The following TAFA5 variants were observed in gnomAD, a reference collection of about 807,000 sequenced individuals.
TAFA5 encodes the protein chemokine-like protein TAFA-5.
Under a neutral mutation model 15.3 loss-of-function variants are expected in TAFA5, and 6 were observed. That is an observed-to-expected ratio of 0.39 (90% CI 0.21 to 0.77). The LOEUF (loss-of-function observed/expected upper bound fraction) is 0.77. TAFA5 is among the 30% of genes least tolerant of loss of function. The pLI, the probability that TAFA5 is intolerant of heterozygous loss-of-function variation, is 0.41. For synonymous variants in TAFA5, 103 were observed against 80.7 expected (o/e 1.28, Z -1.48); for missense variants, 161 against 193.1 (o/e 0.83, Z 0.98).
At position 48,498,380 on chromosome 22, in the gene TAFA5, TAA is replaced by T. The variant is rs1309109686; in HGVS notation, c.112+8677_112+8678del. On this transcript the variant is annotated intron_variant, in intron 1 of 3. Coordinates refer to ENST00000402357, the MANE Select transcript of TAFA5 (RefSeq NM_001082967.3). ...GGAGGGCTGCTGTCCTCTTGCAAAC[TAA>T]GTCTCCTGGATTCCAAAGATATCTT... 3.5e-4 allele frequency among the ~76,000 whole-genome samples: 54 copies of T among 152,150 alleles called. No homozygotes were observed. In the East Asian group the frequency reaches 0.01, roughly 29 times the overall value.
At chr22:48,678,581 G>GCAGGGCTGTGGCAGGCGGGGC (rs1928051657) in intron 2 of TAFA5, among the ~76,000 whole-genome samples, 3 of 151,766 alleles carry the variant, frequency 2.0e-5, no homozygotes, top group African/African-American at 7.3e-5. Flanking sequence ...TGTGACCTAA[G>GCAGGGCTGTGGCAGGCGGGGC]CAGGGCTGCG....
intron 2 of TAFA5, among the ~76,000 whole-genome samples, chr22:48,666,347 C>T (rs1173401019): frequency 6.6e-6 from 1 of 152,132 alleles, no homozygotes; most frequent in Non-Finnish European, 1.5e-5. Context: ...TTCTTAAGTT[C>T]GTACACTTTA....
chr22:48,592,174 T>C (rs1444336054), intron 1 of TAFA5, among the ~76,000 whole-genome samples: 1 of 152,202 alleles, frequency 6.6e-6, no homozygotes, highest in East Asian at 1.9e-4. Flanking sequence ...CCCATGGTGC[T>C]GACCCTGTGC....
At chr22:48,549,639 A>G (rs1922792727) in intron 1 of TAFA5, among the ~76,000 whole-genome samples, 1 of 152,172 alleles carries the variant, frequency 6.6e-6, no homozygotes, top group Non-Finnish European at 1.5e-5. Context: ...GGTCCTGCCT[A>G]TCCTGCTTTT....
intron 1 of TAFA5, among the ~76,000 whole-genome samples, chr22:48,625,934 C>T (rs551130894): frequency 8.5e-5 from 13 of 152,192 alleles, no homozygotes; most frequent in African/African-American, 1.2e-4. Flanking sequence ...GTCATGGAGT[C>T]GGATTCATAG....
At chr22:48,609,139 C>T (rs1350579255) in intron 1 of TAFA5, among the ~76,000 whole-genome samples, 4 of 152,126 alleles carry the variant, frequency 2.6e-5, no homozygotes, top group South Asian at 2.1e-4. Context: ...GATGGATGTG[C>T]GTAAACAGGT....
intron 1 of TAFA5, among the ~76,000 whole-genome samples, chr22:48,569,581 G>A (rs372777093): frequency 3.3e-5 from 5 of 152,264 alleles, no homozygotes; most frequent in Admixed American, 1.3e-4. Flanking sequence ...CAGCGCTCCC[G>A]ACCTTGGCTG....
At chr22:48,709,855 C>T (rs895259052) in intron 3 of TAFA5, among the ~76,000 whole-genome samples, 2 of 152,254 alleles carry the variant, frequency 1.3e-5, no homozygotes, top group African/African-American at 2.4e-5. Flanking sequence ...AGGACTGGCC[C>T]AGCCCCTCCA....
At chr22:48,545,668 C>G (rs1159800789) in intron 1 of TAFA5, 1 of 152,644 alleles carries the variant, frequency 6.6e-6, no homozygotes. Context: ...GGAGCAGTAC[C>G]AGGTGGGCTC....
intron 1 of TAFA5, among the ~76,000 whole-genome samples, chr22:48,635,594 G>T (rs983661647): frequency 6.6e-6 from 1 of 152,218 alleles, no homozygotes; most frequent in Non-Finnish European, 1.5e-5. Context: ...GCTAAGGGGG[G>T]CAGAGTCCCA....
chr22:48,560,005 G>A lies in TAFA5; in HGVS notation c.112+70301G>A, dbSNP rs1010777168. On this transcript the variant is annotated intron_variant, in intron 1 of 3. Coordinates refer to ENST00000402357, the MANE Select transcript of TAFA5 (RefSeq NM_001082967.3). The surrounding 1 kb of genome is among the most constrained non-coding windows in gnomAD (Gnocchi z 4.2). ...CAGACCCCCGTGGGTGTGAGGGTCT[G>A]GGCAGGAGTGACTGCAGGGTCTTCT... Among the ~76,000 whole-genome samples the A allele has an allele frequency of 1.3e-5, 2 of 152,154 alleles. No homozygotes were observed. The highest frequency in any genetic ancestry group is 2.9e-5 in the Non-Finnish European group (2 of 68,020).
intron 1 of TAFA5, among the ~76,000 whole-genome samples, chr22:48,611,591 C>T (rs550393095): frequency 6.6e-6 from 1 of 152,234 alleles, no homozygotes; most frequent in South Asian, 2.1e-4. Context: ...CCCTCCGTGT[C>T]CTGCCACTTT....
intron 1 of TAFA5, among the ~76,000 whole-genome samples, chr22:48,536,094 G>T (rs529324364): frequency 1.3e-5 from 2 of 152,312 alleles, no homozygotes; most frequent in South Asian, 2.1e-4. Flanking sequence ...GCGAGTTCCC[G>T]CATGGGTTGG....
intron 2 of TAFA5, among the ~76,000 whole-genome samples, chr22:48,673,797 C>A (rs1476411681): frequency 1.3e-5 from 2 of 152,152 alleles, no homozygotes; most frequent in African/African-American, 4.8e-5. Context: ...GAGCTGTGGT[C>A]CACACAGAGA....
At chr22:48,702,944 G>GCCAGGC (rs1158242579) in intron 2 of TAFA5, among the ~76,000 whole-genome samples, 1 of 152,238 alleles carries the variant, frequency 6.6e-6, no homozygotes, top group Non-Finnish European at 1.5e-5. Flanking sequence ...CCTCGGGAGG[G>GCCAGGC]CCAGGCCCAG....
rs969320445 is a variant in TAFA5, at chr22:48,742,573, T to C, written c.391-7266T>C. Reference sequence around the variant, plus strand: ...TGGTGGACCAGGCAACGTGGTAGACTGGGCAGCGTGATGGACCAGGCGACA... The same window carrying C: ...TGGTGGACCAGGCAACGTGGTAGACCGGGCAGCGTGATGGACCAGGCGACA... On this transcript the variant is annotated intron_variant, in intron 3 of 3. Transcript: ENST00000402357. This position sits in a 1 kb window ranked among gnomAD's most constrained non-coding sequence, Gnocchi z 6.2. Among the ~76,000 whole-genome samples, 2 of 144,628 alleles carry C rather than the reference T, an allele frequency of 1.4e-5. No homozygotes were observed. Among genetic ancestry groups the C allele is most frequent in the Admixed American group, 6.8e-5 (1 of 14,632 alleles). The allele number at this position is 144,628 out of a possible 152,430, so 94.9% of individuals were successfully genotyped here.
At chr22:48,555,244 G>A (rs1178233499) in intron 1 of TAFA5, among the ~76,000 whole-genome samples, 2 of 152,192 alleles carry the variant, frequency 1.3e-5, no homozygotes, top group Non-Finnish European at 2.9e-5. Context: ...GTGGCATGGG[G>A]CTGGCGGTGG....
intron 2 of TAFA5, among the ~76,000 whole-genome samples, chr22:48,704,006 C>A (rs1050887927): frequency 6.6e-6 from 1 of 152,318 alleles, no homozygotes; most frequent in African/African-American, 2.4e-5. Flanking sequence ...GCACTGGGGA[C>A]CCCAGGGGGT....
chr22:48,732,430 G>T (rs1225280912), intron 3 of TAFA5, among the ~76,000 whole-genome samples: 1 of 152,058 alleles, frequency 6.6e-6, no homozygotes, highest in Non-Finnish European at 1.5e-5. Flanking sequence ...CTAATTTTTT[G>T]TATTTTTAGT....
Sources: gnomAD v4.1 joint callset for allele counts (sites outside exome capture counted in the v4.1 genomes callset) on GRCh38, gnomAD v4.1.1 for gene constraint, Gnocchi (gnomAD v3.1) non-coding constraint, MANE v1.5 for transcripts, NCBI Gene and HGNC (gene_info 2026-07-23, HGNC 2026-07-21) for gene names.